Variants in PPP1R3A observed in about 807,000 individuals in gnomAD.
The protein encoded by PPP1R3A is RG1.
PPP1R3A carries 29 observed loss-of-function variants against 41.7 expected under a neutral mutation model. The observed-to-expected ratio is 0.70, with a 90% CI of 0.52 to 0.95. PPP1R3A has a LOEUF of 0.95. Among genes scored for constraint, PPP1R3A ranks in the 40% least tolerant of loss-of-function variants. The pLI is 0.00. For missense variants in PPP1R3A, 1,352 were observed against 1,292.4 expected (o/e 1.05, Z -0.71); for synonymous variants, 485 against 453.4 (o/e 1.07, Z -0.89).
intron 1 of PPP1R3A, 53 bp downstream of exon 1, chr7:113,918,162 G>T: frequency 1.4e-6 from 2 of 1,465,050 alleles, no homozygotes; most frequent in South Asian, 1.3e-5. Context: ...AATAAAGAAT[G>T]ACATAAAAAC....
chr7:113,883,749 G>A lies in PPP1R3A; in HGVS notation c.783-1429C>T, dbSNP rs575559881. The stretch of plus-strand genomic sequence containing the variant: ...AACAGCATTTATTTATTCCTGCTTC[G>A]TCTCTATTCCCATACAATACTGAAA... On this transcript the variant is annotated intron_variant, in intron 1 of 3. Coordinates refer to ENST00000284601, the MANE Select transcript of PPP1R3A (RefSeq NM_002711.4). Among the ~76,000 whole-genome samples, 45 of 151,788 alleles carry A rather than the reference G, an allele frequency of 3.0e-4. 1 individual carries two copies. The highest frequency in any genetic ancestry group is 1.6e-3 in the East Asian group (8 of 5,158).
chr7:113,878,953 C>G lies in PPP1R3A; in HGVS notation c.2139G>C (p.Leu713=), dbSNP rs1177326637. 24 of 1,613,130 alleles carry G rather than the reference C, an allele frequency of 1.5e-5. No homozygotes were observed. ...FTCQETVCCE[L]SSLADHGITE... ...TAATGCCATGATCAGCTAGAGAAGA[C>G]AGTTCACAGCACACTGTTTCTTGGC... The change falls in exon 4 of 4, where the codon CTG becomes CTC. Residue 713 remains leucine, a synonymous_variant. Coordinates refer to ENST00000284601, the MANE Select transcript of PPP1R3A (RefSeq NM_002711.4).
At position 113,918,307 on chromosome 7, in the gene PPP1R3A, A is replaced by G. The variant is rs1313891884; in HGVS notation, c.690T>C (p.Ile230=). 1.9e-6 allele frequency: 3 copies of G among 1,612,658 alleles called. No individual in the cohort carries two copies. Among genetic ancestry groups the G allele is most frequent in the Admixed American group, 3.3e-5 (2 of 59,864 alleles). The change falls in exon 1 of 4, where the codon ATT becomes ATC. Residue 230 remains isoleucine (I), a synonymous_variant. Transcript: ENST00000284601. ...CCGGCTCTTGTTCTTTCTTTTGACA[A>G]ATGAATGTATAATTTGTGCCATTAT... The part of the protein sequence containing the change: ...SNNNGTNYTF[I]CQKKEQEPEP...
chr7:113,882,771 C>T (rs1174172922), intron 1 of PPP1R3A, among the ~76,000 whole-genome samples: 7 of 151,732 alleles, frequency 4.6e-5, no homozygotes, highest in Admixed American at 4.6e-4. Flanking sequence ...TTTTTGTGTT[C>T]CATTTTACTC....
intron 1 of PPP1R3A, among the ~76,000 whole-genome samples, chr7:113,916,005 G>C (rs887277781): frequency 4.6e-5 from 7 of 151,978 alleles, no homozygotes; most frequent in Admixed American, 2.6e-4. Flanking sequence ...GGCACATGCT[G>C]TTCTAAGGAT....
At chr7:113,907,773 C>A (rs988776662) in intron 1 of PPP1R3A, among the ~76,000 whole-genome samples, 14 of 151,562 alleles carry the variant, frequency 9.2e-5, no homozygotes, top group African/African-American at 3.4e-4. Context: ...ATAGACCGTA[C>A]CTGGAGGCTG....
chr7:113,912,378 CAT>C (rs1334152118), intron 1 of PPP1R3A, among the ~76,000 whole-genome samples: 3 of 152,150 alleles, frequency 2.0e-5, no homozygotes, highest in African/African-American at 4.8e-5. Flanking sequence ...AAATCTCACA[CAT>C]GTGTGTGCAT....
intron 1 of PPP1R3A, among the ~76,000 whole-genome samples, chr7:113,884,072 C>A (rs1404920362): frequency 6.6e-6 from 1 of 151,516 alleles, no homozygotes; most frequent in African/African-American, 2.4e-5. Flanking sequence ...TATCTATAAA[C>A]AAAAACAGAA....
intron 3 of PPP1R3A, 45 bp downstream of exon 3, chr7:113,881,994 A>G: frequency 6.2e-7 from 1 of 1,607,664 alleles, no homozygotes; most frequent in South Asian, 1.1e-5. Context: ...TTTGAAGCAG[A>G]AATGGATTCA....
rs1016054902 is a variant in PPP1R3A, at chr7:113,903,736, T to C, written c.782+14479A>G. Among the ~76,000 whole-genome samples the C allele has an allele frequency of 4.0e-5, 6 of 151,760 alleles. No individual in the cohort carries two copies. In the East Asian group the frequency reaches 1.2e-3, roughly 29 times the overall value. ...ACCAAAAATACTTTGTTCTTGAGCA[T>C]AGAGACTAAAGCACAAAATCTTCAG... is the stretch of plus-strand genomic sequence containing the variant. On this transcript the variant is annotated intron_variant, in intron 1 of 3. Transcript: ENST00000284601.
Position 113,878,040 on chromosome 7 carries a change from G to C in PPP1R3A, c.3052C>G (p.Leu1018Val). 6.2e-7 allele frequency: 1 copy of C among 1,613,142 alleles called. No homozygotes were observed. Among genetic ancestry groups the C allele is most frequent in the Non-Finnish European group, 8.5e-7 (1 of 1,179,542 alleles). Residue 1018 changes from leucine (L) to valine (V), a missense_variant, in exon 4 of 4, where the codon CTT becomes GTT. Transcript: ENST00000284601. The part of the protein sequence containing the change: ...LGPMILINKP[L>V]ENMEEARHEN... Reference sequence around the variant, plus strand: ...TGCCTTGCTTCTTCCATATTCTCAAGAGGTTTGTTGATTAAAATCATTGGC... The same window carrying C: ...TGCCTTGCTTCTTCCATATTCTCAACAGGTTTGTTGATTAAAATCATTGGC...
intron 1 of PPP1R3A, among the ~76,000 whole-genome samples, chr7:113,895,192 GC>G (rs1458963235): frequency 6.6e-6 from 1 of 151,796 alleles, no homozygotes; most frequent in African/African-American, 2.4e-5. Context: ...CTCATTCCTG[GC>G]TCTTGACAAA....
Position 113,878,134 on chromosome 7 carries a change from A to T in PPP1R3A, c.2958T>A (p.Gly986=). 6.2e-7 allele frequency: 1 copy of T among 1,613,278 alleles called. No homozygotes were observed. The highest frequency in any genetic ancestry group is 8.5e-7 in the Non-Finnish European group (1 of 1,179,634). Residue 986 remains glycine (G), a synonymous_variant, in exon 4 of 4, where the codon GGT becomes GGA. Coordinates refer to ENST00000284601, the MANE Select transcript of PPP1R3A (RefSeq NM_002711.4). ...VSRSSGIVTS[G]SRKERCIGQI... The stretch of plus-strand genomic sequence containing the variant: ...GGCCTATGCATCTTTCTTTTCTACT[A>T]CCTGATGTCACTATTCCTGAACTTC...
rs368160087 is a variant in PPP1R3A, at chr7:113,879,564, A to G, written c.1528T>C (p.Tyr510His). The change falls in exon 4 of 4, where the codon TAT becomes CAT. Residue 510 changes from tyrosine (Y) to histidine (H), a missense_variant. Tyr to His is a moderately conservative substitution (Grantham distance 83). Coordinates refer to ENST00000284601, the MANE Select transcript of PPP1R3A (RefSeq NM_002711.4). ...TCATCATCCTTACCATTGCCATAATAATCTTCCTTAGAAGATCCTTCTTCT... is the reference window on the plus strand; with the variant it reads ...TCATCATCCTTACCATTGCCATAATGATCTTCCTTAGAAGATCCTTCTTCT... Reference protein sequence around the residue: ...STEEGSSKEDYYGNGKDDEEQ... With the variant: ...STEEGSSKEDHYGNGKDDEEQ... 17 of 1,612,640 alleles carry G rather than the reference A, an allele frequency of 1.1e-5. No homozygotes were observed. The highest frequency in any genetic ancestry group is 1.4e-5 in the Non-Finnish European group (17 of 1,179,248).
At chr7:113,880,992 C>A (rs546452231) in intron 3 of PPP1R3A, among the ~76,000 whole-genome samples, 2 of 152,116 alleles carry the variant, frequency 1.3e-5, no homozygotes, top group East Asian at 3.9e-4. Flanking sequence ...AACTTCTAAA[C>A]AAACTTTTAT....
Position 113,879,686 on chromosome 7 carries a change from T to G in PPP1R3A, c.1406A>C (p.Lys469Thr), listed in dbSNP as rs768379205. ...AATATTTTTAGCTCCTCCTTCATGT[T>G]TTTTATTAAGGTTTCCTGCCATTAG... ...DQLMAGNLNK[K>T]HEGGAKNIEV... Residue 469 changes from lysine to threonine, a missense_variant, in exon 4 of 4, where the codon AAA becomes ACA. Coordinates refer to ENST00000284601, the MANE Select transcript of PPP1R3A (RefSeq NM_002711.4). 6.8e-6 allele frequency: 11 copies of G among 1,613,244 alleles called. 1 individual carries two copies. The South Asian group carries it at 9.9e-5, about 14-fold the overall frequency.
At chr7:113,891,620 T>C (rs942089203) in intron 1 of PPP1R3A, among the ~76,000 whole-genome samples, 2 of 152,058 alleles carry the variant, frequency 1.3e-5, no homozygotes, top group East Asian at 3.9e-4. Context: ...GCATGATAAT[T>C]TGCACCTTCT....
intron 1 of PPP1R3A, among the ~76,000 whole-genome samples, chr7:113,911,670 C>A (rs1797253853): frequency 1.3e-5 from 2 of 152,038 alleles, no homozygotes; most frequent in South Asian, 4.1e-4. Flanking sequence ...ATTTGGAAAT[C>A]ATTTACCCAT....
In PPP1R3A at chr7:113,880,015, C is replaced by T. The variant is rs750984393; in HGVS notation, c.1077G>A (p.Lys359=). Residue 359 remains lysine (K), a synonymous_variant, in exon 4 of 4, where the codon AAG becomes AAA. Coordinates refer to ENST00000284601, the MANE Select transcript of PPP1R3A (RefSeq NM_002711.4). ...CAGTACATATTTCACCATGGATTTG[C>T]TTCTTCTCTAACCCCTCTGCTTTAT... ...FPNKAEGLEK[K]QIHGEICTDL... is the part of the protein sequence containing the mutation. 5.6e-6 allele frequency: 9 copies of T among 1,612,484 alleles called. No individual in the cohort carries two copies. In the South Asian group the frequency reaches 9.9e-5, roughly 18 times the overall value.
Sources: allele counts gnomAD v4.1 joint callset (sites outside exome capture counted in the v4.1 genomes callset), GRCh38; gene constraint gnomAD v4.1.1; transcripts MANE v1.5; gene names NCBI Gene and HGNC (gene_info 2026-07-23, HGNC 2026-07-21).